The following RBM43 variants were observed in gnomAD, a reference collection of about 807,000 sequenced individuals.
RBM43 encodes RNA-binding protein 43.
Under a neutral mutation model 12.4 loss-of-function variants are expected in RBM43, and 12 were observed. That is an observed-to-expected ratio of 0.97 (90% CI 0.62 to 1.57). RBM43 has a LOEUF of 1.57. RBM43 is among the 40% of genes most tolerant of loss of function. The pLI, the probability that RBM43 is intolerant of heterozygous loss-of-function variation, is 0.00. For missense variants in RBM43, 348 were observed against 400.1 expected (o/e 0.87, Z 1.11); for synonymous variants, 138 against 145.7 (o/e 0.95, Z 0.38).
chr2:151,255,988 GTCTCACTCT>G (rs1682967719), intron 1 of RBM43, among the ~76,000 whole-genome samples: 1 of 151,996 alleles, frequency 6.6e-6, no homozygotes, highest in Non-Finnish European at 1.5e-5. Context: ...TTGAGATGGA[GTCTCACTCT>G]GTCACCCAGG....
chr2:151,253,550 G>A (rs991314272), intron 2 of RBM43, among the ~76,000 whole-genome samples: 12 of 151,960 alleles, frequency 7.9e-5, no homozygotes, highest in Admixed American at 2.6e-4. Context: ...AACATGTCCC[G>A]AATACCCACC....
chr2:151,260,211 C>T (rs76463804), intron 1 of RBM43, among the ~76,000 whole-genome samples: 8,194 of 151,810 alleles, frequency 0.054, 610 homozygotes, highest in African/African-American at 0.16. Flanking sequence ...CTGCAACCTC[C>T]GCCTCCTGGG....
At chr2:151,254,080 T>A (rs888059449) in intron 2 of RBM43, among the ~76,000 whole-genome samples, 5 of 152,120 alleles carry the variant, frequency 3.3e-5, no homozygotes, top group Admixed American at 3.3e-4. Context: ...ATAAATATAT[T>A]TAAATAAACA....
At chr2:151,259,960 G>A (rs1475830588) in intron 1 of RBM43, among the ~76,000 whole-genome samples, 1 of 151,800 alleles carries the variant, frequency 6.6e-6, no homozygotes, top group Non-Finnish European at 1.5e-5. Flanking sequence ...CCACCTCCCG[G>A]GTTCAAGCGA....
chr2:151,257,003 T>G (rs1682983777), intron 1 of RBM43, among the ~76,000 whole-genome samples: 1 of 152,274 alleles, frequency 6.6e-6, no homozygotes, highest in Non-Finnish European at 1.5e-5. Flanking sequence ...GGGCTCAATC[T>G]CTTTGAACTT....
chr2:151,249,897 C>T lies in RBM43; in HGVS notation c.*1009G>A, dbSNP rs955500573. 3.9e-5 allele frequency: 6 copies of T among 152,080 alleles called. No individual in the cohort carries two copies. The highest frequency in any genetic ancestry group is 1.4e-4 in the African/African-American group (6 of 41,402). 9.4% of individuals were successfully genotyped at this position (152,080 alleles called of 1,614,324 possible). ...CATTCTTGGAGCAATATTATGTGTCCCAAGTACTTTTTCCCCCTAGCTTCT... is the reference window on the plus strand; with the variant it reads ...CATTCTTGGAGCAATATTATGTGTCTCAAGTACTTTTTCCCCCTAGCTTCT... On this transcript the variant is annotated 3_prime_UTR_variant, in exon 4 of 4. Transcript: ENST00000331426.
intron 1 of RBM43, chr2:151,261,344 G>A: frequency 1.3e-6 from 2 of 1,550,600 alleles, no homozygotes; most frequent in Non-Finnish European, 1.7e-6. Context: ...GGCGTGGGAG[G>A]ACAACAGTTA....
At position 151,261,705 on chromosome 2, in the gene RBM43, C is replaced by T; in HGVS notation, c.3+20G>A. ...CAGGCACGGACCTGCACCGCAAAAC[C>T]CAAAGCAAAAGCAACTTGCCATGGC... On this transcript the variant is annotated intron_variant, in intron 1 of 3. Transcript: ENST00000331426. 6.3e-7 allele frequency: 1 copy of T among 1,599,016 alleles called. No homozygotes were observed. The highest frequency in any genetic ancestry group is 8.5e-7 in the Non-Finnish European group (1 of 1,173,228).
chr2:151,261,283 G>A (rs1314531295), intron 1 of RBM43: 5 of 1,550,468 alleles, frequency 3.2e-6, no homozygotes, highest in Non-Finnish European at 4.4e-6. Flanking sequence ...TTTTCAAAAG[G>A]CAGCTGTGAC....
At chr2:151,257,543 A>G (rs1442450860) in intron 1 of RBM43, among the ~76,000 whole-genome samples, 2 of 151,768 alleles carry the variant, frequency 1.3e-5, no homozygotes, top group Non-Finnish European at 2.9e-5. Context: ...AATACAAAAA[A>G]TTAGCCTGGC....
At position 151,252,810 on chromosome 2, in the gene RBM43, T is replaced by C. The variant is rs754756064; in HGVS notation, c.260A>G (p.Lys87Arg). 6.2e-7 allele frequency: 1 copy of C among 1,612,064 alleles called. No individual in the cohort carries two copies. Among genetic ancestry groups the C allele is most frequent in the South Asian group, 1.1e-5 (1 of 91,026 alleles). The stretch of plus-strand genomic sequence containing the variant: ...GACTGTGAGTTCAGCATGTCTAGTC[T>C]TCCTTGCTAGCCAGTGTTTCTTTTG... ...IRQKKHWLARKTRHAELTVSL... is the reference protein window; with the variant it reads ...IRQKKHWLARRTRHAELTVSL... Residue 87 changes from lysine to arginine, a missense_variant, in exon 3 of 4, where the codon AAG (lysine) becomes AGG (arginine). By Grantham distance (26) the Lys-to-Arg change is conservative. Coordinates refer to ENST00000331426, the MANE Select transcript of RBM43 (RefSeq NM_198557.3).
At chr2:151,257,352 A>G (rs560529038) in intron 1 of RBM43, among the ~76,000 whole-genome samples, 1 of 152,226 alleles carries the variant, frequency 6.6e-6, no homozygotes, top group South Asian at 2.1e-4. Flanking sequence ...ACACACACAC[A>G]GTGTCCTGTC....
Position 151,256,635 on chromosome 2 carries a change from A to G in RBM43, c.4-892T>C, listed in dbSNP as rs113729256. Reference sequence around the variant, plus strand: ...GGAGTTCCAGACCAGCCTGGCCAACATGGTGAAACCCCATCTCTACTAAAA... The same window carrying G: ...GGAGTTCCAGACCAGCCTGGCCAACGTGGTGAAACCCCATCTCTACTAAAA... On this transcript the variant is annotated intron_variant, in intron 1 of 3. Coordinates refer to ENST00000331426, the MANE Select transcript of RBM43 (RefSeq NM_198557.3). Among the ~76,000 whole-genome samples, 213 of 152,270 alleles carry G rather than the reference A, an allele frequency of 1.4e-3. 1 individual carries two copies. The Middle Eastern group carries it at 0.017, about 12-fold the overall frequency.
At position 151,251,588 on chromosome 2, in the gene RBM43, T is replaced by A. The variant is rs1682905360; in HGVS notation, c.392A>T (p.Asp131Val). Residue 131 changes from aspartate to valine, a missense_variant, in exon 4 of 4, where the codon GAC (aspartate) becomes GTC (valine). Asp to Val is a radical substitution (Grantham distance 152). Coordinates refer to ENST00000331426, the MANE Select transcript of RBM43 (RefSeq NM_198557.3). ...TAAACTCGGGATTTTTTTTTTCAGG[T>A]CTTTTACCAGAGTTTCTAGAGTAAC... ...KEVTLETLVK[D>V]LKKKIPSLSF... 6.2e-7 allele frequency: 1 copy of A among 1,613,948 alleles called. No homozygotes were observed. The highest frequency in any genetic ancestry group is 1.3e-5 in the African/African-American group (1 of 75,010).
intron 3 of RBM43, 144 bp downstream of exon 3, chr2:151,252,611 G>A: frequency 3.9e-6 from 2 of 515,330 alleles, no homozygotes; most frequent in Non-Finnish European, 7.0e-6. Context: ...GCCAGGGTTG[G>A]CCTTTAACAC....
chr2:151,255,737 C>T lies in RBM43; in HGVS notation c.10G>A (p.Val4Ile), dbSNP rs1484490302. 7 of 1,611,460 alleles carry T rather than the reference C, an allele frequency of 4.3e-6. No homozygotes were observed. The highest frequency in any genetic ancestry group is 4.5e-5 in the East Asian group (2 of 44,844). ...GCTTTGGATTCCTTGACATTCAAAA[C>T]TGATGCCTGTAAGAGAAACAGCAGG... MAS[V>I]LNVKESKAPE... Residue 4 changes from valine to isoleucine, a missense_variant, in exon 2 of 4, where the codon GTT becomes ATT. Transcript: ENST00000331426.
At chr2:151,252,664 T>G in intron 3 of RBM43, 91 bp downstream of exon 3, 3 of 692,930 alleles carry the variant, frequency 4.3e-6, no homozygotes, top group East Asian at 2.6e-5. Context: ...AGTCATGGAG[T>G]GAGAGCACTT....
At chr2:151,258,063 C>G (rs1336541497) in intron 1 of RBM43, among the ~76,000 whole-genome samples, 1 of 150,816 alleles carries the variant, frequency 6.6e-6, no homozygotes, top group Non-Finnish European at 1.5e-5. Context: ...GAGCAAAACT[C>G]CATCTAAAAA....
rs1682851523 is a variant in RBM43 at position 151,248,667 on chromosome 2, T to G, written c.*2239A>C. ...TAGTTCAGTTTTAAGAAAAACAGAC[T>G]AAATGATCCCTGTAATGTTTGAATA... On this transcript the variant is annotated 3_prime_UTR_variant, in exon 4 of 4. Coordinates refer to ENST00000331426, the MANE Select transcript of RBM43 (RefSeq NM_198557.3). 1 of 152,198 alleles carries G rather than the reference T, an allele frequency of 6.6e-6. No individual in the cohort carries two copies. The highest frequency in any genetic ancestry group is 6.5e-5 in the Admixed American group (1 of 15,272). The allele number at this position is 152,198 out of a possible 1,614,324, so 9.4% of individuals were successfully genotyped here.
Sources: allele counts gnomAD v4.1 joint callset (sites outside exome capture counted in the v4.1 genomes callset), GRCh38; gene constraint gnomAD v4.1.1; transcripts MANE v1.5; gene names NCBI Gene and HGNC (gene_info 2026-07-23, HGNC 2026-07-21).